Variants in SLC12A5 observed in about 807,000 individuals in gnomAD.
The protein encoded by SLC12A5 is K-Cl cotransporter 2.
SLC12A5 carries 18 observed loss-of-function variants against 124.0 expected under a neutral mutation model. The ratio of observed to expected loss-of-function variants is 0.15; its 90% CI spans 0.10 to 0.22. The LOEUF is 0.22. Ranked by LOEUF, SLC12A5 falls within the 10% of genes least tolerant of loss-of-function variation. The pLI is 1.00. For synonymous variants in SLC12A5, 589 were observed against 568.0 expected (o/e 1.04, Z -0.53); for missense variants, 867 against 1,478.7 (o/e 0.59, Z 6.78).
chr20:46,049,769 A>G lies in SLC12A5; in HGVS notation c.2160A>G (p.Pro720=). 1.9e-6 allele frequency: 3 copies of G among 1,599,824 alleles called. No homozygotes were observed. Among genetic ancestry groups the G allele is most frequent in the Non-Finnish European group, 2.6e-6 (3 of 1,174,084 alleles). Residue 720 remains proline (P), a synonymous_variant, in exon 17 of 26, where the codon CCA becomes CCG. Coordinates refer to ENST00000243964, the MANE Select transcript of SLC12A5 (RefSeq NM_020708.5). ...AGGGCACCTTTCTGGAAAATCATCC[A>G]CAGGCCCAGCGGGCAGAAGAGGTGA... ...VLEGTFLENH[P]QAQRAEESIR...
At chr20:46,025,719 G>A (rs768486085), upstream of SLC12A5, among the ~76,000 whole-genome samples, 2 of 152,168 alleles carry the variant, frequency 1.3e-5, no homozygotes, top group Admixed American at 6.5e-5. Context: ...GACGTGCTCC[G>A]CAGTGAGCCC....
intron 20 of SLC12A5, among the ~76,000 whole-genome samples, chr20:46,054,572 G>C (rs2084673529): frequency 6.6e-6 from 1 of 152,144 alleles, no homozygotes; most frequent in East Asian, 1.9e-4. Flanking sequence ...ATTCATTCTT[G>C]CATGTATTCA....
chr20:46,047,334 C>A (rs575275414), intron 14 of SLC12A5, 120 bp from the exon 15 acceptor site: 50 of 1,338,614 alleles, frequency 3.7e-5, no homozygotes, highest in Non-Finnish European at 4.6e-5. Flanking sequence ...TCCCCTAGAC[C>A]GGGCTGTCAC....
chr20:46,040,869 T>A, intron 7 of SLC12A5: 1 of 551,874 alleles, frequency 1.8e-6, no homozygotes, highest in Non-Finnish European at 3.2e-6. Context: ...TAGGAAGAAT[T>A]AAGTGGGAAT....
At chr20:46,055,094 C>A in intron 21 of SLC12A5, 71 bp downstream of exon 21, 2 of 1,117,358 alleles carry the variant, frequency 1.8e-6, no homozygotes, top group Non-Finnish European at 1.4e-6. Context: ...TTTAGGATGC[C>A]TCAGGGCTGA....
chr20:46,058,220 G>A lies in SLC12A5; in HGVS notation c.*615G>A, dbSNP rs1193584963. On this transcript the variant is annotated 3_prime_UTR_variant, in exon 26 of 26. Coordinates refer to ENST00000243964, the MANE Select transcript of SLC12A5 (RefSeq NM_020708.5). The surrounding 1 kb of genome is among the most constrained non-coding windows in gnomAD (Gnocchi z 5.8). ...CCATAGTCGAGCTCTCCCGCTGGGG[G>A]CACTGCGGGGAGGCGAGGCCTCGGG... is the stretch of plus-strand genomic sequence containing the variant. The A allele has an allele frequency of 1.4e-5, 5 of 370,328 alleles. No individual in the cohort carries two copies. The highest frequency in any genetic ancestry group is 2.4e-5 in the Non-Finnish European group (5 of 208,434). 22.9% of individuals were successfully genotyped at this position (370,328 alleles called of 1,614,324 possible). A position where few individuals can be genotyped will look rare whatever the true frequency, so the allele number is the denominator to read the frequency against.
intron 11 of SLC12A5, among the ~76,000 whole-genome samples, chr20:46,044,280 CA>C (rs1435463438): frequency 6.6e-6 from 1 of 152,002 alleles, no homozygotes; most frequent in African/African-American, 2.4e-5. Flanking sequence ...GGAGGCAGCA[CA>C]GATAAATAAC....
exon 2 of SLC12A5, chr20:46,022,941 A>AGGGGAG (rs2084366983): frequency 4.1e-6 from 1 of 246,358 alleles, no homozygotes; most frequent in Admixed American, 8.1e-5. Context: ...GGCCCCAGCG[A>AGGGGAG]GGGGAGGAGG....
chr20:46,044,055 CG>C (rs1243389615), intron 11 of SLC12A5, 122 bp downstream of exon 11: 4 of 850,726 alleles, frequency 4.7e-6, no homozygotes, highest in Admixed American at 2.8e-5. Context: ...AGGGAGGCCA[CG>C]GGGATTGCTT....
chr20:46,033,765 C>T (rs2145480331), intron 1 of SLC12A5, among the ~76,000 whole-genome samples: 1 of 152,264 alleles, frequency 6.6e-6, no homozygotes, highest in African/African-American at 2.4e-5. Context: ...CTAGGTTCTT[C>T]CTCTCCCCCT....
In SLC12A5 at chr20:46,054,964, G is replaced by A; in HGVS notation, c.2728G>A (p.Glu910Lys). ...CACCTATGAGAAGACGTTGGTGATG[G>A]AGCAGCGTTCCCAGATCCTCAAACA... is the stretch of plus-strand genomic sequence containing the variant. Reference protein sequence around the residue: ...AYTYEKTLVMEQRSQILKQMH... With the variant: ...AYTYEKTLVMKQRSQILKQMH... The change falls in exon 21 of 26, where the codon GAG (glutamate) becomes AAG (lysine). Residue 910 changes from glutamate to lysine, a missense_variant. This residue lies in a region of SLC12A5 where 70 missense variants were observed against 157.2 expected (regional missense o/e 0.45). Coordinates refer to ENST00000243964, the MANE Select transcript of SLC12A5 (RefSeq NM_020708.5). 1 of 1,614,046 alleles carries A rather than the reference G, an allele frequency of 6.2e-7. No homozygotes were observed. The highest frequency in any genetic ancestry group is 8.5e-7 in the Non-Finnish European group (1 of 1,180,008).
In SLC12A5 at chr20:46,057,711, T is replaced by C. The variant is rs1424654908; in HGVS notation, c.*106T>C. 15 of 857,378 alleles carry C rather than the reference T, an allele frequency of 1.7e-5. No individual in the cohort carries two copies. Among genetic ancestry groups the C allele is most frequent in the Non-Finnish European group, 2.5e-5 (14 of 568,100 alleles). The allele number at this position is 857,378 out of a possible 1,614,324, so 53.1% of individuals were successfully genotyped here. On this transcript the variant is annotated 3_prime_UTR_variant, in exon 26 of 26. Transcript: ENST00000243964. The surrounding 1 kb of genome is among the most constrained non-coding windows in gnomAD (Gnocchi z 7.1). ...CGTTTACATACAGACCCTGTGCCCG[T>C]GTCCTGGCCCCTTACCCCGCTGCCT...
chr20:46,040,789 T>C, intron 7 of SLC12A5, 175 bp downstream of exon 7: 1 of 1,014,786 alleles, frequency 9.9e-7, no homozygotes, highest in Non-Finnish European at 1.4e-6. Context: ...CTCTTCAGAG[T>C]GAGGTAACTT....
At position 46,058,823 on chromosome 20, in the gene SLC12A5, T is replaced by C. The variant is rs1435523427; in HGVS notation, c.*1218T>C. 1 of 397,774 alleles carries C rather than the reference T, an allele frequency of 2.5e-6. No individual in the cohort carries two copies. The highest frequency in any genetic ancestry group is 3.6e-5 in the East Asian group (1 of 28,076). 24.6% of individuals were successfully genotyped at this position (397,774 alleles called of 1,614,324 possible). A position where few individuals can be genotyped will look rare whatever the true frequency, so the allele number is the denominator to read the frequency against. On this transcript the variant is annotated 3_prime_UTR_variant, in exon 26 of 26. Transcript: ENST00000243964. This position sits in a 1 kb window ranked among gnomAD's most constrained non-coding sequence, Gnocchi z 5.8. ...CCGTGATGTTCCTCCCCCGTCCCCA[T>C]CTGGCAGCTCCTGTCTCGCCTGAGG...
intron 21 of SLC12A5, chr20:46,055,879 G>A: frequency 2.2e-6 from 1 of 452,488 alleles, no homozygotes; most frequent in East Asian, 4.2e-5. Context: ...GTGGACTGAG[G>A]ACTGACATTG....
Position 46,045,159 on chromosome 20 carries a change from C to G in SLC12A5, c.1569+19C>G, listed in dbSNP as rs776313049. The G allele has an allele frequency of 3.2e-6, 5 of 1,549,030 alleles. 1 individual carries two copies. The highest frequency in any genetic ancestry group is 3.5e-4 in the Middle Eastern group (2 of 5,780). ...CCTGCAGGTCAGTGTGGGAGAAGAACAGCCCACCCTCAGTAGACCAGCCAG... is the reference window on the plus strand; with the variant it reads ...CCTGCAGGTCAGTGTGGGAGAAGAAGAGCCCACCCTCAGTAGACCAGCCAG... On this transcript the variant is annotated intron_variant, in intron 12 of 25. Transcript: ENST00000243964. This position sits in a 1 kb window ranked among gnomAD's most constrained non-coding sequence, Gnocchi z 4.9.
rs980088044 is a variant in SLC12A5 at position 46,029,222 on chromosome 20, C to T, written c.-123C>T. The T allele has an allele frequency of 1.9e-5, 28 of 1,446,338 alleles. No individual in the cohort carries two copies. Among genetic ancestry groups the T allele is most frequent in the East Asian group, 2.6e-5 (1 of 38,026 alleles). The allele number at this position is 1,446,338 out of a possible 1,614,324, so 89.6% of individuals were successfully genotyped here. On this transcript the variant is annotated 5_prime_UTR_variant, in exon 1 of 26. Coordinates refer to ENST00000243964, the MANE Select transcript of SLC12A5 (RefSeq NM_020708.5). ...TGCGCCGGGCGGGCGGGCACTGCAG[C>T]TTCTTCCTCCGTGGAGCGGAGAGCG...
At chr20:46,029,769 G>A (rs545139083) in intron 1 of SLC12A5, among the ~76,000 whole-genome samples, 2 of 152,284 alleles carry the variant, frequency 1.3e-5, no homozygotes, top group Admixed American at 6.5e-5. Context: ...GCGTCCTGGC[G>A]CAGAGCAGGC....
upstream of SLC12A5, chr20:46,027,850 A>G (rs931585954): frequency 7.9e-5 from 12 of 152,142 alleles, no homozygotes; most frequent in African/African-American, 2.9e-4. Flanking sequence ...TTTTCCCTCT[A>G]TGGGCCTTAG....
Sources: gnomAD v4.1 joint callset for allele counts (sites outside exome capture counted in the v4.1 genomes callset) on GRCh38, gnomAD v4.1.1 for gene constraint, gnomAD v4.1.1 regional missense constraint, Gnocchi (gnomAD v3.1) non-coding constraint, MANE v1.5 for transcripts, NCBI Gene and HGNC (gene_info 2026-07-23, HGNC 2026-07-21) for gene names.